Variants in ZFPM2 observed in about 807,000 individuals in gnomAD.
ZFPM2 encodes zinc finger protein ZFPM2.
Under a neutral mutation model 98.6 loss-of-function variants are expected in ZFPM2, and 20 were observed. The observed-to-expected ratio is 0.20, with a 90% CI of 0.14 to 0.29. ZFPM2 has a LOEUF of 0.29. Among genes scored for constraint, ZFPM2 ranks in the 10% least tolerant of loss-of-function variants. The probability of loss-of-function intolerance (pLI) is 1.00; values close to 1 mark genes in which losing one functional copy is unlikely to be tolerated. For missense variants in ZFPM2, 1,310 were observed against 1,388.6 expected, an observed-to-expected ratio of 0.94 and a Z score of 0.90; for synonymous variants, 518 against 502.7, an observed-to-expected ratio of 1.03 and a Z score of -0.41.
At chr8:105,792,038 C>G (rs529706501) in intron 6 of ZFPM2, among the ~76,000 whole-genome samples, 1,687 of 152,222 alleles carry the variant, frequency 0.011, 27 homozygotes, top group African/African-American at 0.038. Flanking sequence ...TTTCAAAAAA[C>G]CAGTTCCTGG....
chr8:105,359,068 C>T (rs1812804101), intron 1 of ZFPM2, among the ~76,000 whole-genome samples: 1 of 152,124 alleles, frequency 6.6e-6, no homozygotes, highest in African/African-American at 2.4e-5. Flanking sequence ...ATTGTAATCC[C>T]CAAGTGTTGA....
chr8:105,423,218 C>A, intron 2 of ZFPM2, among the ~76,000 whole-genome samples: 1 of 152,210 alleles, frequency 6.6e-6, no homozygotes, highest in South Asian at 2.1e-4. Context: ...GTATAAAATT[C>A]TTAATTATAT....
At chr8:105,698,832 G>A (rs1257999297) in intron 5 of ZFPM2, among the ~76,000 whole-genome samples, 1 of 152,084 alleles carries the variant, frequency 6.6e-6, no homozygotes, top group East Asian at 1.9e-4. Flanking sequence ...TAGATTACCT[G>A]CATACTGATA....
intron 5 of ZFPM2, among the ~76,000 whole-genome samples, chr8:105,668,002 T>C (rs2130898569): frequency 6.6e-6 from 1 of 152,278 alleles, no homozygotes; most frequent in South Asian, 2.1e-4. Flanking sequence ...GAGTCCTAAA[T>C]TTTTAAGCAC....
At chr8:105,782,896 C>T (rs780176178) in intron 5 of ZFPM2, among the ~76,000 whole-genome samples, 5 of 152,048 alleles carry the variant, frequency 3.3e-5, no homozygotes, top group Non-Finnish European at 5.9e-5. Context: ...CTTATGAAAG[C>T]CACAGAAAAC....
chr8:105,728,958 A>C (rs1261286986), intron 5 of ZFPM2, among the ~76,000 whole-genome samples: 3 of 151,788 alleles, frequency 2.0e-5, no homozygotes, highest in East Asian at 2.0e-4. Flanking sequence ...TCTGTGTTGG[A>C]TAAGAAGGCT....
At chr8:105,525,720 G>A (rs888246987) in intron 3 of ZFPM2, among the ~76,000 whole-genome samples, 33 of 152,116 alleles carry the variant, frequency 2.2e-4, no homozygotes, top group African/African-American at 8.0e-4. Flanking sequence ...CCTCTCAGTT[G>A]CTTTAGATGT....
At chr8:105,800,793 T>C (rs1382916635) in intron 7 of ZFPM2, among the ~76,000 whole-genome samples, 1 of 152,142 alleles carries the variant, frequency 6.6e-6, no homozygotes, top group Non-Finnish European at 1.5e-5. Flanking sequence ...TCCTCATCTA[T>C]AAAATGGAGA....
intron 1 of ZFPM2, among the ~76,000 whole-genome samples, chr8:105,354,152 C>T (rs1812698229): frequency 2.6e-5 from 4 of 152,136 alleles, no homozygotes; most frequent in African/African-American, 7.2e-5. Flanking sequence ...ATATGTTAAA[C>T]GGAAATCTAT....
intron 5 of ZFPM2, among the ~76,000 whole-genome samples, chr8:105,693,822 T>C (rs545114758): frequency 3.3e-5 from 5 of 152,178 alleles, no homozygotes; most frequent in African/African-American, 9.6e-5. Context: ...TATCTCTCTG[T>C]AGTCATACAA....
chr8:105,449,438 A>G (rs1341107041), intron 3 of ZFPM2, among the ~76,000 whole-genome samples: 1 of 152,070 alleles, frequency 6.6e-6, no homozygotes, highest in Non-Finnish European at 1.5e-5. Context: ...TTTAATATTT[A>G]TATGTTAAGC....
chr8:105,466,948 T>A (rs2130328597), intron 3 of ZFPM2, among the ~76,000 whole-genome samples: 1 of 152,244 alleles, frequency 6.6e-6, no homozygotes, highest in Middle Eastern at 3.4e-3. Context: ...TGATTACTTA[T>A]GAGCTGAGTA....
In ZFPM2 at chr8:105,698,992, C is replaced by T. The variant is rs533151556; in HGVS notation, c.532+64635C>T. On this transcript the variant is annotated intron_variant, in intron 5 of 7. Transcript: ENST00000407775. ...TGCTATTTTAATACATTGACCTAAG[C>T]CAACGAATTTTAGAATTATGCAAGT... Among the ~76,000 whole-genome samples, 20 of 152,122 alleles carry T rather than the reference C, an allele frequency of 1.3e-4. No homozygotes were observed. In the South Asian group the frequency reaches 4.2e-3, roughly 32 times the overall value.
intron 3 of ZFPM2, among the ~76,000 whole-genome samples, chr8:105,552,230 C>T (rs767520322): frequency 5.9e-5 from 9 of 152,244 alleles, no homozygotes; most frequent in East Asian, 1.9e-4. Context: ...TCTTCATGGA[C>T]GGACCTTTCT....
rs199678497 is a variant in ZFPM2, at chr8:105,803,380, C to G, written c.3298C>G (p.Gln1100Glu). 146 of 1,613,444 alleles carry G rather than the reference C, an allele frequency of 9.0e-5. No individual in the cohort carries two copies. Among genetic ancestry groups the G allele is most frequent in the Non-Finnish European group, 1.2e-4 (138 of 1,179,646 alleles). The change falls in exon 8 of 8, where the codon CAG becomes GAG. Residue 1100 changes from glutamine to glutamate, a missense_variant. Gln to Glu is a conservative substitution (Grantham distance 29, BLOSUM62 2). Coordinates refer to ENST00000407775, the MANE Select transcript of ZFPM2 (RefSeq NM_012082.4). ...VSPGIPSAEE[Q>E]LSSIAKGVNG... ...ACCAGGAATTCCCTCAGCAGAGGAA[C>G]AGTTGTCTAGTATAGCAAAAGGTGT...
At chr8:105,701,104 T>G (rs1811131008) in intron 5 of ZFPM2, among the ~76,000 whole-genome samples, 3 of 152,222 alleles carry the variant, frequency 2.0e-5, no homozygotes, top group Admixed American at 2.0e-4. Flanking sequence ...TAAAGTGTTT[T>G]TCATTCTCAC....
intron 5 of ZFPM2, among the ~76,000 whole-genome samples, chr8:105,702,390 G>GA (rs1167990866): frequency 6.6e-6 from 1 of 152,182 alleles, no homozygotes; most frequent in Admixed American, 6.5e-5. Context: ...AAAGTACTTT[G>GA]AAAATCACAA....
chr8:105,443,546 CATT>C (rs1812308969), intron 2 of ZFPM2, among the ~76,000 whole-genome samples: 1 of 151,954 alleles, frequency 6.6e-6, no homozygotes, highest in Non-Finnish European at 1.5e-5. Context: ...TGAAGGTACT[CATT>C]AATTAGACTT....
intron 5 of ZFPM2, among the ~76,000 whole-genome samples, chr8:105,640,445 T>A (rs1287645520): frequency 6.6e-6 from 1 of 152,040 alleles, no homozygotes; most frequent in African/African-American, 2.4e-5. Flanking sequence ...CACAGCAATC[T>A]CAAAATCATA....
Sources: allele counts gnomAD v4.1 joint callset (sites outside exome capture counted in the v4.1 genomes callset), GRCh38; gene constraint gnomAD v4.1.1; transcripts MANE v1.5; gene names NCBI Gene and HGNC (gene_info 2026-07-23, HGNC 2026-07-21).